The following WDR47 variants were observed in gnomAD, a reference collection of about 807,000 sequenced individuals.
The protein encoded by WDR47 is WD repeat domain 47.
A neutral mutation model predicts 97.2 loss-of-function variants in WDR47; 32 were observed. The observed-to-expected ratio is 0.33, with a 90% CI of 0.25 to 0.44. The LOEUF is 0.44. WDR47 is among the 20% of genes least tolerant of loss of function. The pLI is 1.00. For synonymous variants in WDR47, 375 were observed against 373.5 expected, an observed-to-expected ratio of 1.00 and a Z score of -0.05; for missense variants, 782 against 1,102.3, an observed-to-expected ratio of 0.71 and a Z score of 4.11.
At chr1:109,007,994 T>C (rs893077696) in intron 5 of WDR47, among the ~76,000 whole-genome samples, 2 of 151,014 alleles carry the variant, frequency 1.3e-5, no homozygotes, top group Admixed American at 6.6e-5. Flanking sequence ...CCCAGCTACT[T>C]GAGAGGCTGA....
intron 5 of WDR47, among the ~76,000 whole-genome samples, chr1:109,006,947 T>A (rs1313648119): frequency 6.6e-6 from 1 of 151,668 alleles, no homozygotes; most frequent in African/African-American, 2.4e-5. Flanking sequence ...AAAAAAAAAT[T>A]TTTTTTTTGA....
intron 4 of WDR47, among the ~76,000 whole-genome samples, chr1:109,012,442 G>A (rs1022036353): frequency 6.6e-6 from 1 of 151,516 alleles, no homozygotes; most frequent in African/African-American, 2.4e-5. Context: ...GCACAGTGGC[G>A]GGCACCTGTA....
chr1:108,988,559 G>A (rs912095001), intron 9 of WDR47, among the ~76,000 whole-genome samples: 4 of 151,948 alleles, frequency 2.6e-5, no homozygotes, highest in East Asian at 2.0e-4. Context: ...GCGCATGCCC[G>A]TAGTCACAGC....
chr1:109,022,746 G>A (rs7531651), intron 2 of WDR47, among the ~76,000 whole-genome samples: 27,172 of 151,362 alleles, frequency 0.18, 2,833 homozygotes, highest in Admixed American at 0.27. Context: ...CACCATGCCC[G>A]GTTAATTTTT....
intron 10 of WDR47, 57 bp downstream of exon 10, chr1:108,986,466 T>C: frequency 1.3e-6 from 2 of 1,491,218 alleles, no homozygotes; most frequent in Non-Finnish European, 1.8e-6. Flanking sequence ...AAAAGGAACC[T>C]ATACGGCTAA....
chr1:109,011,732 A>G lies in WDR47; in HGVS notation c.328-14T>C. 6.4e-7 allele frequency: 1 copy of G among 1,563,158 alleles called. No individual in the cohort carries two copies. Among genetic ancestry groups the G allele is most frequent in the Non-Finnish European group, 8.7e-7 (1 of 1,155,946 alleles). On this transcript the variant is annotated splice_polypyrimidine_tract_variant and intron_variant, in intron 4 of 14. Coordinates refer to ENST00000369962, the MANE Select transcript of WDR47 (RefSeq NM_001142551.2). ...GGTAAATTCCAGCTGTAAGAAAAAT[A>G]TAAATGATCAAATAATCACTATAAA... is the stretch of plus-strand genomic sequence containing the variant.
intron 13 of WDR47, among the ~76,000 whole-genome samples, chr1:108,975,376 A>G (rs1365709012): frequency 1.3e-5 from 2 of 151,930 alleles, no homozygotes; most frequent in Non-Finnish European, 2.9e-5. Context: ...GTAATCCAGC[A>G]CTTTGGGAGA....
chr1:108,970,730 TAAC>T lies in WDR47; in HGVS notation c.*697_*699del. On this transcript the variant is annotated 3_prime_UTR_variant, in exon 15 of 15. Coordinates refer to ENST00000369962, the MANE Select transcript of WDR47 (RefSeq NM_001142551.2). ...CCTGTTGCATTCAAAAAACTGAAGTTAACAAGTTTCTGAAGCAAACACATTTAC... is the reference window on the plus strand; with the variant it reads ...CCTGTTGCATTCAAAAAACTGAAGTTAAGTTTCTGAAGCAAACACATTTAC... 1 of 152,786 alleles carries T rather than the reference TAAC, an allele frequency of 6.5e-6. No homozygotes were observed. Among genetic ancestry groups the T allele is most frequent in the South Asian group, 2.1e-4 (1 of 4,832 alleles). The allele number at this position is 152,786 out of a possible 1,614,324, so 9.5% of individuals were successfully genotyped here.
chr1:108,979,945 G>A (rs1469485992), intron 13 of WDR47, among the ~76,000 whole-genome samples: 1 of 152,178 alleles, frequency 6.6e-6, no homozygotes, highest in East Asian at 1.9e-4. Context: ...ACAAATGAGT[G>A]AGCATTACCA....
At chr1:109,014,620 A>G (rs1400632454) in intron 3 of WDR47, among the ~76,000 whole-genome samples, 4 of 151,762 alleles carry the variant, frequency 2.6e-5, no homozygotes, top group African/African-American at 4.8e-5. Context: ...TGTTTTGTAG[A>G]GACCGGGTCT....
intron 11 of WDR47, 60 bp from the exon 12 acceptor site, chr1:108,982,839 A>G: frequency 6.5e-7 from 1 of 1,527,784 alleles, no homozygotes; most frequent in Non-Finnish European, 8.8e-7. Context: ...TGATAACTTG[A>G]GATTGCTAAA....
At chr1:108,981,687 T>C in intron 13 of WDR47, 46 bp downstream of exon 13, 1 of 1,559,630 alleles carries the variant, frequency 6.4e-7, no homozygotes, top group Non-Finnish European at 8.7e-7. Flanking sequence ...ACTAGTCTAA[T>C]TTACAAAGTT....
chr1:108,973,077 C>T (rs1188658455), intron 14 of WDR47, among the ~76,000 whole-genome samples: 1 of 152,130 alleles, frequency 6.6e-6, no homozygotes, highest in East Asian at 1.9e-4. Context: ...CTGGTTCCTA[C>T]TTCAGCATCT....
chr1:108,998,464 T>C (rs1659921768), intron 7 of WDR47, among the ~76,000 whole-genome samples: 1 of 151,766 alleles, frequency 6.6e-6, no homozygotes, highest in South Asian at 2.1e-4. Context: ...GTCATGCCAC[T>C]GCACTCCAGC....
rs376346542 is a variant in WDR47 at position 109,026,983 on chromosome 1, CTAAT to C, written c.-9-3466_-9-3463del. Reference sequence around the variant, plus strand: ...TTCAAGTTTTCTTTTTAAAAAAAAACTAATTAAAAAAAGACAAGTTTTAATTCTA... The same window carrying C: ...TTCAAGTTTTCTTTTTAAAAAAAAACTAAAAAAAGACAAGTTTTAATTCTA... On this transcript the variant is annotated intron_variant, in intron 1 of 14. Coordinates refer to ENST00000369962, the MANE Select transcript of WDR47 (RefSeq NM_001142551.2). 3.3e-5 allele frequency among the ~76,000 whole-genome samples: 5 copies of C among 151,930 alleles called. No individual in the cohort carries two copies. In the East Asian group the frequency reaches 5.8e-4, roughly 18 times the overall value.
At chr1:108,991,640 C>A (rs578115394) in intron 8 of WDR47, among the ~76,000 whole-genome samples, 92 of 152,224 alleles carry the variant, frequency 6.0e-4, no homozygotes, top group Non-Finnish European at 1.2e-3. Flanking sequence ...CAACCCCAGA[C>A]AGGACACTGG....
intron 5 of WDR47, among the ~76,000 whole-genome samples, chr1:109,009,033 C>T (rs553170628): frequency 2.6e-5 from 4 of 151,844 alleles, no homozygotes; most frequent in South Asian, 2.1e-4. Flanking sequence ...TGCAGTGAGC[C>T]GGGATTGTGC....
intron 13 of WDR47, among the ~76,000 whole-genome samples, chr1:108,977,721 G>A (rs1658018719): frequency 6.6e-6 from 1 of 151,844 alleles, no homozygotes; most frequent in African/African-American, 2.4e-5. Flanking sequence ...GCGTGGTGGT[G>A]CCTGGCTGAG....
chr1:108,982,614 T>C lies in WDR47; in HGVS notation c.2261A>G (p.His754Arg). 1 of 1,600,166 alleles carries C rather than the reference T, an allele frequency of 6.2e-7. No individual in the cohort carries two copies. ...TTGAAACTGATATTACATACCAGTA[T>C]GTCCACTCAAAGCATGGAGGCCCTG... ...RGQGLHALSG[H>R]TGHILALYTW... The change falls in exon 12 of 15, where the codon CAT becomes CGT. Residue 754 changes from histidine (H) to arginine (R), a missense_variant. Around this residue, in one of 3 missense-constraint regions of WDR47, gnomAD observed 228 missense variants for 396.7 expected, o/e 0.57. Transcript: ENST00000369962.
Sources: gnomAD v4.1 joint callset for allele counts (sites outside exome capture counted in the v4.1 genomes callset) on GRCh38, gnomAD v4.1.1 for gene constraint, gnomAD v4.1.1 regional missense constraint, MANE v1.5 for transcripts, NCBI Gene and HGNC (gene_info 2026-07-23, HGNC 2026-07-21) for gene names.